The following DHX35 variants were observed in gnomAD, a reference collection of about 807,000 sequenced individuals.
DHX35 encodes the protein probable ATP-dependent RNA helicase DHX35.
In DHX35, 84 loss-of-function variants were observed where a neutral mutation model predicts 99.6. That is an observed-to-expected ratio of 0.84 (90% CI 0.71 to 1.01). The LOEUF (loss-of-function observed/expected upper bound fraction) is 1.01. Among genes scored for constraint, DHX35 ranks in the 50% least tolerant of loss-of-function variants. The probability of loss-of-function intolerance (pLI) is 0.00; values close to 1 mark genes in which losing one functional copy is unlikely to be tolerated. For synonymous variants in DHX35, 331 were observed against 316.2 expected (o/e 1.05, Z -0.50); for missense variants, 852 against 888.5 (o/e 0.96, Z 0.52).
intron 14 of DHX35, among the ~76,000 whole-genome samples, chr20:39,017,020 T>G (rs1905135470): frequency 6.6e-6 from 1 of 152,206 alleles, no homozygotes; most frequent in Non-Finnish European, 1.5e-5. Context: ...TAGTATTGTT[T>G]GCAGTACAAA....
At chr20:38,990,842 A>T (rs1013681451) in intron 5 of DHX35, among the ~76,000 whole-genome samples, 4 of 152,150 alleles carry the variant, frequency 2.6e-5, no homozygotes, top group African/African-American at 9.7e-5. Context: ...TTTCACATTA[A>T]CTTGGTGAGG....
In DHX35 at chr20:39,038,651, G is replaced by C. The variant is rs1341387220; in HGVS notation, c.*108G>C. Reference sequence around the variant, plus strand: ...GGCACCAGCTCCTGTGGAATGTTTGGTTGCTCTGAAGTGGGCTGCGGCCTG... The same window carrying C: ...GGCACCAGCTCCTGTGGAATGTTTGCTTGCTCTGAAGTGGGCTGCGGCCTG... On this transcript the variant is annotated 3_prime_UTR_variant, in exon 22 of 22. Coordinates refer to ENST00000252011, the MANE Select transcript of DHX35 (RefSeq NM_021931.4). 1 of 1,216,672 alleles carries C rather than the reference G, an allele frequency of 8.2e-7. No individual in the cohort carries two copies. The allele number at this position is 1,216,672 out of a possible 1,614,324, so 75.4% of individuals were successfully genotyped here.
At chr20:38,997,468 T>A (rs2086448937) in intron 8 of DHX35, among the ~76,000 whole-genome samples, 1 of 152,208 alleles carries the variant, frequency 6.6e-6, no homozygotes, top group South Asian at 2.1e-4. Flanking sequence ...TTCAGTTCTG[T>A]CTATGGTAGT....
intron 3 of DHX35, among the ~76,000 whole-genome samples, chr20:38,983,101 ATTTTTGGTAGAGACGGGG>A (rs933442713): frequency 2.0e-5 from 3 of 151,982 alleles, no homozygotes; most frequent in Non-Finnish European, 4.4e-5. Context: ...ACGTTTTTAT[ATTTTTGGTAGAGACGGGG>A]TTTCACCATG....
At chr20:38,981,359 C>T (rs1351810196) in intron 3 of DHX35, among the ~76,000 whole-genome samples, 2 of 152,074 alleles carry the variant, frequency 1.3e-5, no homozygotes, top group Non-Finnish European at 2.9e-5. Flanking sequence ...AAGAACTGTG[C>T]TTTCTTCCTC....
At position 39,023,764 on chromosome 20, in the gene DHX35, C is replaced by A. The variant is rs145532041; in HGVS notation, c.1668C>A (p.Ile556=). 3.9e-4 allele frequency: 636 copies of A among 1,613,562 alleles called. 1 individual carries two copies. Among genetic ancestry groups the A allele is most frequent in the Middle Eastern group, 3.0e-3 (18 of 6,058 alleles). The change falls in exon 17 of 22, where the codon ATC becomes ATA. Residue 556 remains isoleucine (I), a synonymous_variant. Coordinates refer to ENST00000252011, the MANE Select transcript of DHX35 (RefSeq NM_021931.4). ...TGCTCAATATATATGAAGCATTTAT[C>A]AAAGTAAGCACAACTACTGCTCGAA... ...LTMLNIYEAF[I]KHNKDSKWCQ...
rs758737085 is a variant in DHX35 at position 39,021,855 on chromosome 20, T to C, written c.1513T>C (p.Ser505Pro). ...TTGTTTTACAGGAAACTTCGGCTGT[T>C]CTCAGGAAATTCTAAGCATCGCTGC... ...MLLESGNFGC[S>P]QEILSIAAMM... The change falls in exon 16 of 22, where the codon TCT becomes CCT. Residue 505 changes from serine to proline, a missense_variant. Transcript: ENST00000252011. 6.2e-7 allele frequency: 1 copy of C among 1,614,200 alleles called. No individual in the cohort carries two copies. Among genetic ancestry groups the C allele is most frequent in the Admixed American group, 1.7e-5 (1 of 60,028 alleles).
In DHX35 at chr20:38,979,645, T is replaced by C. The variant is rs551925738; in HGVS notation, c.268-4054T>C. Among the ~76,000 whole-genome samples the C allele has an allele frequency of 3.5e-4, 54 of 152,328 alleles. 1 individual carries two copies. The South Asian group carries it at 0.011, about 30-fold the overall frequency. Reference sequence around the variant, plus strand: ...TTTCCAACTTATTGTGAAGCTAAATTTGGGCTATGATCTAGGAAAATTGGA... The same window carrying C: ...TTTCCAACTTATTGTGAAGCTAAATCTGGGCTATGATCTAGGAAAATTGGA... On this transcript the variant is annotated intron_variant, in intron 3 of 21. Coordinates refer to ENST00000252011, the MANE Select transcript of DHX35 (RefSeq NM_021931.4).
At chr20:39,029,293 T>G (rs1405385568) in intron 19 of DHX35, 3 of 152,096 alleles carry the variant, frequency 2.0e-5, no homozygotes, top group African/African-American at 7.2e-5. Flanking sequence ...ATTTTGTCAT[T>G]AATTTTTTTT....
At chr20:39,018,924 T>C (rs368738191) in intron 15 of DHX35, 25 bp downstream of exon 15, 5 of 1,611,424 alleles carry the variant, frequency 3.1e-6, no homozygotes, top group East Asian at 4.5e-5. Context: ...ATAGCTTGAA[T>C]TGATTTTATT....
intron 17 of DHX35, 27 bp downstream of exon 17, chr20:39,023,794 C>T (rs371814641): frequency 2.5e-5 from 40 of 1,578,946 alleles, no homozygotes; most frequent in Middle Eastern, 1.7e-4. Context: ...CTCGAAGTGC[C>T]GCCTCAACAC....
chr20:39,035,593 T>G (rs905166626), intron 21 of DHX35, among the ~76,000 whole-genome samples: 1 of 152,258 alleles, frequency 6.6e-6, no homozygotes, highest in Non-Finnish European at 1.5e-5. Context: ...AATTTCTGGT[T>G]TCTCTTGAAA....
chr20:38,963,483 G>C (rs2085866008), intron 1 of DHX35, among the ~76,000 whole-genome samples: 1 of 152,234 alleles, frequency 6.6e-6, no homozygotes, highest in Non-Finnish European at 1.5e-5. Context: ...TCACTTGACA[G>C]TTTTATGGTT....
chr20:39,019,062 C>T (rs1237927214), intron 15 of DHX35, among the ~76,000 whole-genome samples, 163 bp downstream of exon 15: 1 of 152,196 alleles, frequency 6.6e-6, no homozygotes, highest in Non-Finnish European at 1.5e-5. Context: ...GTGTGTAGTT[C>T]TGTGATACAA....
Position 39,006,230 on chromosome 20 carries a change from C to T in DHX35, c.1096C>T (p.Arg366Ter), listed in dbSNP as rs199985100. The stretch of plus-strand genomic sequence containing the variant: ...GATCGACTGTGGCTTTGTGAAACTC[C>T]GAGCCTACAATCCCAGGACAGCTAT... ...YVIDCGFVKLRAYNPRTAIEC... is the reference protein window; with the variant it reads ...YVIDCGFVKL The change falls in exon 12 of 22, where the codon CGA (arginine) becomes TGA (stop). Residue 366 changes from arginine to a stop codon, truncating the protein, a stop_gained. Transcript: ENST00000252011. LOFTEE classifies it high-confidence loss of function. 5.6e-5 allele frequency: 91 copies of T among 1,613,976 alleles called. No homozygotes were observed. Among genetic ancestry groups the T allele is most frequent in the Non-Finnish European group, 6.9e-5 (81 of 1,180,018 alleles).
rs754713101 is a variant in DHX35, at chr20:39,023,701, C to T, written c.1605C>T (p.His535=). Residue 535 remains histidine, a synonymous_variant, in exon 17 of 22, where the codon CAC becomes CAT. Transcript: ENST00000252011. ...TTCATTCTTTCCAGATTCGAGTGCA[C>T]CGTAAATTTGCTGTGGAGGAGGGCG... ...PNQKSHAIRV[H]RKFAVEEGDH... 6.2e-7 allele frequency: 1 copy of T among 1,613,986 alleles called. No homozygotes were observed. Among genetic ancestry groups the T allele is most frequent in the Admixed American group, 1.7e-5 (1 of 60,006 alleles).
chr20:39,003,816 A>G lies in DHX35; in HGVS notation c.920A>G (p.Lys307Arg), dbSNP rs2086565669. The change falls in exon 11 of 22, where the codon AAG becomes AGG. Residue 307 changes from lysine (K) to arginine (R), a missense_variant. By Grantham distance (26) the Lys-to-Arg change is conservative. Transcript: ENST00000252011. ...CGAGCACTAGCTCGCACTGGGATGA[A>G]GAGACACCTCCGAGTTCTCCCCATG... is the stretch of plus-strand genomic sequence containing the variant. ...QARALARTGMKRHLRVLPMYA... is the reference protein window; with the variant it reads ...QARALARTGMRRHLRVLPMYA... The G allele has an allele frequency of 1.2e-6, 2 of 1,614,228 alleles. No homozygotes were observed. Among genetic ancestry groups the G allele is most frequent in the Non-Finnish European group, 1.7e-6 (2 of 1,180,044 alleles).
In DHX35 at chr20:39,025,349, G is replaced by T. The variant is rs1286316063; in HGVS notation, c.1791G>T (p.Lys597Asn). 1 of 1,613,492 alleles carries T rather than the reference G, an allele frequency of 6.2e-7. No homozygotes were observed. Among genetic ancestry groups the T allele is most frequent in the African/African-American group, 1.3e-5 (1 of 74,930 alleles). ...KLLVKFQVPR[K>N]SSEGDPDLVL... Reference sequence around the variant, plus strand: ...TTGTCAAGTTTCAAGTGCCCAGGAAGTCTAGTGAAGGTGAGAAGAAACCGT... The same window carrying T: ...TTGTCAAGTTTCAAGTGCCCAGGAATTCTAGTGAAGGTGAGAAGAAACCGT... The change falls in exon 18 of 22, where the codon AAG becomes AAT. Residue 597 changes from lysine (K) to asparagine (N), a missense_variant. By Grantham distance (94) the Lys-to-Asn change is moderately conservative. Transcript: ENST00000252011.
At chr20:39,008,325 A>G (rs1452838399) in intron 12 of DHX35, among the ~76,000 whole-genome samples, 2 of 152,236 alleles carry the variant, frequency 1.3e-5, no homozygotes, top group African/African-American at 2.4e-5. Context: ...GCTATTGTGA[A>G]TAGTGCTGGT....
Sources: allele counts gnomAD v4.1 joint callset (sites outside exome capture counted in the v4.1 genomes callset), GRCh38; gene constraint gnomAD v4.1.1; transcripts MANE v1.5; gene names NCBI Gene and HGNC (gene_info 2026-07-23, HGNC 2026-07-21).